Variants in DSCAM observed in about 807,000 individuals in gnomAD.
The protein encoded by DSCAM is DS cell adhesion molecule.
A neutral mutation model predicts 217.7 loss-of-function variants in DSCAM; 47 were observed. The observed-to-expected ratio is 0.22, with a 90% CI of 0.17 to 0.28. DSCAM has a LOEUF of 0.28. DSCAM is among the 10% of genes least tolerant of loss of function. The pLI is 1.00. For missense variants in DSCAM, 2,080 were observed against 2,618.3 expected, an observed-to-expected ratio of 0.79 and a Z score of 4.49; for synonymous variants, 1,056 against 1,015.3, an observed-to-expected ratio of 1.04 and a Z score of -0.76.
At chr21:40,135,947 G>A (rs2090203664) in intron 18 of DSCAM, among the ~76,000 whole-genome samples, 1 of 152,252 alleles carries the variant, frequency 6.6e-6, no homozygotes, top group Non-Finnish European at 1.5e-5. Context: ...GGGGCTCCAT[G>A]TGGCTCCCAC....
chr21:40,192,867 A>C (rs1186072075), intron 11 of DSCAM, among the ~76,000 whole-genome samples: 2 of 152,224 alleles, frequency 1.3e-5, no homozygotes, highest in East Asian at 3.8e-4. Flanking sequence ...TATTATGAGT[A>C]ATTATACTAT....
chr21:40,537,738 C>G lies in DSCAM; in HGVS notation c.508+155072G>C, dbSNP rs117506379. On this transcript the variant is annotated intron_variant, in intron 3 of 32. Transcript: ENST00000400454. ...ACCAAACACCAAAGACTCCCAGAAGCTGGGAGAGACCTGGAATTGACTCTC... is the reference window on the plus strand; with the variant it reads ...ACCAAACACCAAAGACTCCCAGAAGGTGGGAGAGACCTGGAATTGACTCTC... Among the ~76,000 whole-genome samples, 5 of 152,260 alleles carry G rather than the reference C, an allele frequency of 3.3e-5. No individual in the cohort carries two copies. The East Asian group carries it at 9.7e-4, about 29-fold the overall frequency.
At chr21:40,124,132 G>A (rs1421158937) in intron 20 of DSCAM, 63 bp downstream of exon 20, 7 of 1,606,736 alleles carry the variant, frequency 4.4e-6, no homozygotes, top group Non-Finnish European at 6.0e-6. Flanking sequence ...ACTGTCCAGT[G>A]CGAGCACCTG....
intron 3 of DSCAM, among the ~76,000 whole-genome samples, chr21:40,677,408 G>C (rs2090352568): frequency 6.6e-6 from 1 of 152,030 alleles, no homozygotes; most frequent in Non-Finnish European, 1.5e-5. Context: ...GGAGCCGGGG[G>C]GTGAGGGAAT....
intron 1 of DSCAM, among the ~76,000 whole-genome samples, chr21:40,845,512 CTT>C (rs1491176025): frequency 6.6e-6 from 1 of 150,648 alleles, no homozygotes; most frequent in Non-Finnish European, 1.5e-5. Flanking sequence ...GATTTCCTCT[CTT>C]CTCTTCTTTT....
At chr21:40,588,557 G>T (rs1365313410) in intron 3 of DSCAM, among the ~76,000 whole-genome samples, 1 of 152,166 alleles carries the variant, frequency 6.6e-6, no homozygotes, top group African/African-American at 2.4e-5. Context: ...TTGAAAGCAT[G>T]GAGGCTGTTT....
rs765049665 is a variant in DSCAM at position 40,062,905 on chromosome 21, G to T, written c.4889-6C>A. 2.5e-6 allele frequency: 4 copies of T among 1,597,668 alleles called. No individual in the cohort carries two copies. The highest frequency in any genetic ancestry group is 2.6e-6 in the Non-Finnish European group (3 of 1,174,636). On this transcript the variant is annotated splice_polypyrimidine_tract_variant and splice_region_variant and intron_variant, in intron 27 of 32. Coordinates refer to ENST00000400454, the MANE Select transcript of DSCAM (RefSeq NM_001389.5). ...TTCAGCTAAACTCTTTGCATCTGGG[G>T]AAAGAAAGTTAACATTAGTACATGG...
chr21:40,637,819 C>A (rs903855496), intron 3 of DSCAM, among the ~76,000 whole-genome samples: 3 of 150,086 alleles, frequency 2.0e-5, no homozygotes, highest in African/African-American at 4.9e-5. Context: ...ACTACAGGTG[C>A]GCACCACCAC....
At chr21:40,543,569 G>A (rs545404730) in intron 3 of DSCAM, among the ~76,000 whole-genome samples, 8 of 152,180 alleles carry the variant, frequency 5.3e-5, no homozygotes, top group African/African-American at 1.9e-4. Context: ...TGGGAAGGGG[G>A]AGCCACAGTG....
chr21:40,260,083 A>G (rs888990976), intron 11 of DSCAM, among the ~76,000 whole-genome samples: 2 of 152,100 alleles, frequency 1.3e-5, no homozygotes, highest in Non-Finnish European at 2.9e-5. Context: ...AGGTTTTATT[A>G]TACAACATAC....
chr21:40,298,652 G>A (rs1203489494), intron 9 of DSCAM, among the ~76,000 whole-genome samples: 1 of 152,040 alleles, frequency 6.6e-6, no homozygotes, highest in African/African-American at 2.4e-5. Context: ...CAACTCAAGA[G>A]CAGGTGACAA....
intron 3 of DSCAM, among the ~76,000 whole-genome samples, chr21:40,589,761 CATGTGCGG>C (rs1220087602): frequency 1.3e-5 from 2 of 152,180 alleles, no homozygotes; most frequent in Non-Finnish European, 2.9e-5. Flanking sequence ...TGCAATCTAG[CATGTGCGG>C]TCATTACAAA....
At chr21:40,792,510 C>T (rs562679609) in intron 1 of DSCAM, among the ~76,000 whole-genome samples, 4 of 152,186 alleles carry the variant, frequency 2.6e-5, no homozygotes, top group Non-Finnish European at 5.9e-5. Context: ...TTTAAAGATC[C>T]TATCTCCAAA....
intron 15 of DSCAM, among the ~76,000 whole-genome samples, chr21:40,171,869 G>A (rs967922358): frequency 4.6e-5 from 7 of 152,078 alleles, no homozygotes; most frequent in South Asian, 2.1e-4. Context: ...GTCCAAAGCC[G>A]ATTGAGTTTC....
At chr21:40,170,310 C>T (rs2090642744) in intron 15 of DSCAM, among the ~76,000 whole-genome samples, 1 of 152,210 alleles carries the variant, frequency 6.6e-6, no homozygotes, top group Non-Finnish European at 1.5e-5. Context: ...TGTCTCTGGT[C>T]ACCCAGCAGA....
At chr21:40,047,878 T>C (rs1019483784) in intron 30 of DSCAM, among the ~76,000 whole-genome samples, 4 of 152,236 alleles carry the variant, frequency 2.6e-5, no homozygotes, top group African/African-American at 9.6e-5. Flanking sequence ...GGGCATTTTT[T>C]CTTTCAAAGT....
chr21:40,390,873 GC>G (rs1231934935), intron 3 of DSCAM, among the ~76,000 whole-genome samples: 8 of 152,062 alleles, frequency 5.3e-5, no homozygotes, highest in African/African-American at 1.9e-4. Context: ...TGAGCCACTG[GC>G]GCATTAGAGC....
chr21:40,404,901 C>T (rs1025958600), intron 3 of DSCAM, among the ~76,000 whole-genome samples: 5 of 152,136 alleles, frequency 3.3e-5, no homozygotes, highest in African/African-American at 1.2e-4. Flanking sequence ...GCAGGCACAC[C>T]CAGTAACAGA....
chr21:40,521,756 G>A (rs2076360966), intron 3 of DSCAM, among the ~76,000 whole-genome samples: 2 of 152,036 alleles, frequency 1.3e-5, no homozygotes, highest in South Asian at 4.2e-4. Flanking sequence ...CAAAGTTAAC[G>A]ATGAGAAAGG....
Sources: allele counts gnomAD v4.1 joint callset (sites outside exome capture counted in the v4.1 genomes callset), GRCh38; gene constraint gnomAD v4.1.1; transcripts MANE v1.5; gene names NCBI Gene and HGNC (gene_info 2026-07-23, HGNC 2026-07-21).